Variants in SASH1 observed in about 807,000 individuals in gnomAD.
SASH1 encodes the protein SAM and SH3 domain containing 1, also known as SAM and SH3 domain-containing protein 1.
In SASH1, 44 loss-of-function variants were observed where a neutral mutation model predicts 125.2. The ratio of observed to expected loss-of-function variants is 0.35; its 90% confidence interval spans 0.28 to 0.45. The LOEUF (loss-of-function observed/expected upper bound fraction) is 0.45, where lower values mean the gene tolerates loss of function less well. SASH1 is among the 20% of genes least tolerant of loss of function. SASH1 has a pLI of 1.00. For synonymous variants in SASH1, 639 were observed against 649.1 expected, an observed-to-expected ratio of 0.98 and a Z score of 0.24; for missense variants, 1,426 against 1,614.5, an observed-to-expected ratio of 0.88 and a Z score of 2.00.
At chr6:148,498,414 A>G (rs186937854) in intron 8 of SASH1, among the ~76,000 whole-genome samples, 4 of 152,252 alleles carry the variant, frequency 2.6e-5, no homozygotes, top group Admixed American at 2.6e-4. Context: ...AAAAGAAAAA[A>G]AAAAGAAAAA....
intron 13 of SASH1, among the ~76,000 whole-genome samples, 197 bp downstream of exon 13, chr6:148,531,858 A>G (rs1363258484): frequency 6.7e-6 from 1 of 149,356 alleles, no homozygotes; most frequent in East Asian, 1.9e-4. Flanking sequence ...CAGCAGCCCA[A>G]AACAGGAGGT....
At chr6:148,438,245 A>G (rs1776377048) in intron 2 of SASH1, among the ~76,000 whole-genome samples, 1 of 152,230 alleles carries the variant, frequency 6.6e-6, no homozygotes, top group Non-Finnish European at 1.5e-5. Flanking sequence ...AAAAATTGCT[A>G]ATTATACTTT....
chr6:148,454,320 C>T (rs1777237456), intron 4 of SASH1, among the ~76,000 whole-genome samples: 1 of 152,256 alleles, frequency 6.6e-6, no homozygotes, highest in Admixed American at 6.5e-5. Flanking sequence ...GGCCCCATGC[C>T]CACACTGACG....
chr6:148,267,104 C>G, the SASH1 span, among the ~76,000 whole-genome samples: 3 of 152,138 alleles, frequency 2.0e-5, no homozygotes, highest in African/African-American at 7.2e-5. Flanking sequence ...AGATAATAAC[C>G]AACTCTAACC....
intron 1 of SASH1, among the ~76,000 whole-genome samples, chr6:148,274,569 G>A (rs1274306986): frequency 6.6e-6 from 1 of 152,146 alleles, no homozygotes; most frequent in Non-Finnish European, 1.5e-5. Context: ...AAGATGTATT[G>A]ATCAACTCAG....
intron 10 of SASH1, among the ~76,000 whole-genome samples, chr6:148,522,556 C>G (rs189565556): frequency 6.6e-6 from 1 of 152,144 alleles, no homozygotes; most frequent in Non-Finnish European, 1.5e-5. Flanking sequence ...TCACTTGTCT[C>G]GTATTTTATT....
chr6:148,387,604 CTTTCT>C lies in SASH1; in HGVS notation c.157-2527_157-2523del, dbSNP rs1783468631. 1.3e-4 allele frequency among the ~76,000 whole-genome samples: 2 copies of C among 15,758 alleles called. 1 individual carries two copies. 10.3% of individuals were successfully genotyped at this position (15,758 alleles called of 152,430 possible). On this transcript the variant is annotated intron_variant, in intron 1 of 19. Coordinates refer to ENST00000367467, the MANE Select transcript of SASH1 (RefSeq NM_015278.5). ...TCTTTCTTTCTTTCTTTCTTTCTTT[CTTTCT>C]TTCTTTCTTTCTTTCTTTCTTTCTT... is the stretch of plus-strand genomic sequence containing the variant.
At chr6:148,334,301 G>T (rs1193610389) in intron 1 of SASH1, among the ~76,000 whole-genome samples, 1 of 148,466 alleles carries the variant, frequency 6.7e-6, no homozygotes, top group Non-Finnish European at 1.5e-5. Flanking sequence ...GATGGCGGGC[G>T]CCTGTAGTCC....
intron 7 of SASH1, chr6:148,480,213 C>T (rs1778555423): frequency 6.6e-6 from 1 of 152,238 alleles, no homozygotes; most frequent in Non-Finnish European, 1.5e-5. Flanking sequence ...ACGTGTAATC[C>T]CAGCTACATG....
intron 8 of SASH1, among the ~76,000 whole-genome samples, chr6:148,503,486 T>C (rs1284457128): frequency 1.3e-5 from 2 of 152,254 alleles, no homozygotes; most frequent in Non-Finnish European, 2.9e-5. Flanking sequence ...TACATTGTAT[T>C]GTATTGACTA....
chr6:148,333,936 C>A (rs867705706), intron 1 of SASH1, among the ~76,000 whole-genome samples: 5 of 151,898 alleles, frequency 3.3e-5, no homozygotes, highest in Non-Finnish European at 5.9e-5. Context: ...AATTCTCCTG[C>A]CTCAACCTCT....
In SASH1 at chr6:148,415,745, A is replaced by G. The variant is rs150352174; in HGVS notation, c.286-24439A>G. On this transcript the variant is annotated intron_variant, in intron 2 of 19. Coordinates refer to ENST00000367467, the MANE Select transcript of SASH1 (RefSeq NM_015278.5). ...CAGAGCCATCATGATATGGAGTGCC[A>G]TAAGAGGAAGCCCACATCCATGGCT... 5.8e-4 allele frequency among the ~76,000 whole-genome samples: 88 copies of G among 152,330 alleles called. 2 individuals carry two copies. In the East Asian group the frequency reaches 0.014, roughly 24 times the overall value.
intron 1 of SASH1, among the ~76,000 whole-genome samples, chr6:148,326,498 G>A (rs1780834540): frequency 6.8e-6 from 1 of 146,736 alleles, no homozygotes; most frequent in Non-Finnish European, 1.5e-5. Context: ...ACTGCCTCCC[G>A]GGTTCAAGCA....
intron 1 of SASH1, among the ~76,000 whole-genome samples, chr6:148,307,050 TTCTTTC>T (rs1780152962): frequency 1.4e-5 from 2 of 141,020 alleles, no homozygotes; most frequent in South Asian, 2.3e-4. Context: ...CTTTCTTTCT[TTCTTTC>T]TTTCTTTCTT....
At chr6:148,404,853 A>G (rs1784314775) in intron 2 of SASH1, among the ~76,000 whole-genome samples, 2 of 140,664 alleles carry the variant, frequency 1.4e-5, no homozygotes, top group South Asian at 4.5e-4. Context: ...CTTTCTGTTC[A>G]TCTGATAGGG....
At chr6:148,302,341 A>AAAAT (rs34513109) in intron 1 of SASH1, among the ~76,000 whole-genome samples, 1,442 of 104,396 alleles carry the variant, frequency 0.014, 369 homozygotes, top group East Asian at 0.049. Context: ...AAAAAAAAAA[A>AAAAT]CTAGTAATAT....
intron 16 of SASH1, among the ~76,000 whole-genome samples, chr6:148,540,238 T>C (rs1289947798): frequency 6.6e-6 from 1 of 152,198 alleles, no homozygotes; most frequent in East Asian, 1.9e-4. Context: ...GTGTGCTCTC[T>C]CCAAACTTAT....
rs1197221221 is a variant in SASH1 at position 148,495,082 on chromosome 6, G to A, written c.729+7367G>A. ...TAGTTTCGAAGTTTTGGAAGGAAAG[G>A]TAGTCACAGCCCTAGTCGAAATAGA... On this transcript the variant is annotated intron_variant, in intron 8 of 19. Coordinates refer to ENST00000367467, the MANE Select transcript of SASH1 (RefSeq NM_015278.5). The surrounding 1 kb of genome is among the most constrained non-coding windows in gnomAD (Gnocchi z 4.0). Among the ~76,000 whole-genome samples the A allele has an allele frequency of 1.3e-5, 2 of 152,200 alleles. No individual in the cohort carries two copies. Among genetic ancestry groups the A allele is most frequent in the Admixed American group, 6.5e-5 (1 of 15,284 alleles).
At chr6:148,202,642 A>G in the SASH1 span, among the ~76,000 whole-genome samples, 8 of 152,224 alleles carry the variant, frequency 5.3e-5, no homozygotes, top group Admixed American at 5.2e-4. Context: ...AAAGCTTATT[A>G]TAGGAATTTC....
Sources: gnomAD v4.1 joint callset for allele counts (sites outside exome capture counted in the v4.1 genomes callset) on GRCh38, gnomAD v4.1.1 for gene constraint, Gnocchi (gnomAD v3.1) non-coding constraint, MANE v1.5 for transcripts, NCBI Gene and HGNC (gene_info 2026-07-23, HGNC 2026-07-21) for gene names.